FSTL5: variants seen among roughly 807,000 people sequenced by gnomAD.
FSTL5 encodes follistatin-related protein 5.
FSTL5 carries 62 observed loss-of-function variants against 89.1 expected under a neutral mutation model. The observed-to-expected ratio is 0.70, with a 90% CI of 0.57 to 0.86. The LOEUF (loss-of-function observed/expected upper bound fraction) is 0.86. Among genes scored for constraint, FSTL5 ranks in the 40% least tolerant of loss-of-function variants. The pLI, the probability that FSTL5 is intolerant of heterozygous loss-of-function variation, is 0.00. For synonymous variants in FSTL5, 383 were observed against 346.2 expected, an observed-to-expected ratio of 1.11 and a Z score of -1.18; for missense variants, 1,057 against 1,001.6, an observed-to-expected ratio of 1.06 and a Z score of -0.75.
intron 6 of FSTL5, among the ~76,000 whole-genome samples, chr4:161,725,090 G>A (rs988431814): frequency 4.4e-4 from 67 of 152,242 alleles, no homozygotes; most frequent in African/African-American, 1.6e-3. Flanking sequence ...CAGCTACTCA[G>A]GAGGCTGAGG....
intron 7 of FSTL5, among the ~76,000 whole-genome samples, chr4:161,642,000 TAA>T (rs1735983963): frequency 1.3e-5 from 2 of 151,986 alleles, no homozygotes; most frequent in African/African-American, 4.8e-5. Context: ...ATGAAAGAAA[TAA>T]AGTTTCTCCT....
intron 10 of FSTL5, among the ~76,000 whole-genome samples, chr4:161,527,708 T>C (rs1221205516): frequency 7.9e-5 from 12 of 151,694 alleles, no homozygotes; most frequent in Non-Finnish European, 2.9e-5. Context: ...GACTGTAAAC[T>C]AGTTCAACCA....
At chr4:161,713,043 A>C (rs1417140754) in intron 6 of FSTL5, among the ~76,000 whole-genome samples, 5 of 152,130 alleles carry the variant, frequency 3.3e-5, no homozygotes, top group African/African-American at 1.2e-4. Context: ...TAGCAACACA[A>C]ACAGACTAAC....
intron 11 of FSTL5, among the ~76,000 whole-genome samples, chr4:161,506,442 G>A (rs28488327): frequency 0.017 from 2,580 of 151,762 alleles, 67 homozygotes; most frequent in African/African-American, 0.058. Context: ...GTTTATTTCC[G>A]TAAGTTTTTT....
chr4:161,918,827 G>C (rs1390771313), intron 4 of FSTL5, among the ~76,000 whole-genome samples: 1 of 151,820 alleles, frequency 6.6e-6, no homozygotes, highest in African/African-American at 2.4e-5. Flanking sequence ...TATTTTTGTA[G>C]AGATGGGGTT....
At chr4:161,506,166 C>A (rs765183956) in intron 11 of FSTL5, among the ~76,000 whole-genome samples, 180 of 51,436 alleles carry the variant, frequency 3.5e-3, no homozygotes, top group Non-Finnish European at 0.011. Flanking sequence ...AGCTCCAGAG[C>A]TCAGGGATCC....
chr4:161,697,959 A>ATG lies in FSTL5; in HGVS notation c.728-41467_728-41466dup, dbSNP rs919376075. On this transcript the variant is annotated intron_variant, in intron 6 of 15. Transcript: ENST00000306100. Reference sequence around the variant, plus strand: ...GGAAGGTGTGTGTGTGTGTGTGTGTATGTGTGTGTGTGTGTTATGGAGTCA... The same window carrying ATG: ...GGAAGGTGTGTGTGTGTGTGTGTGTATGTGTGTGTGTGTGTGTTATGGAGTCA... 1.9e-4 allele frequency among the ~76,000 whole-genome samples: 22 copies of ATG among 117,572 alleles called. 1 individual carries two copies. Among genetic ancestry groups the ATG allele is most frequent in the East Asian group, 1.8e-3 (5 of 2,838 alleles). The allele number at this position is 117,572 out of a possible 152,430, so 77.1% of individuals were successfully genotyped here.
chr4:161,784,902 AAAAAC>A (rs1741837229), intron 4 of FSTL5, among the ~76,000 whole-genome samples: 3 of 146,054 alleles, frequency 2.1e-5, no homozygotes, highest in South Asian at 2.2e-4. Flanking sequence ...CAAAAAAAAC[AAAAAC>A]AAACAAACAA....
intron 3 of FSTL5, among the ~76,000 whole-genome samples, chr4:162,022,554 G>A (rs1731988228): frequency 6.6e-6 from 1 of 151,942 alleles, no homozygotes; most frequent in Admixed American, 6.6e-5. Context: ...TACCTTCTAG[G>A]GTAAACCATA....
intron 15 of FSTL5, among the ~76,000 whole-genome samples, chr4:161,418,817 T>A (rs1480336113): frequency 1.3e-5 from 2 of 152,160 alleles, no homozygotes; most frequent in Non-Finnish European, 2.9e-5. Context: ...ACAAAACCCA[T>A]CCAAATGTTG....
Position 161,481,910 on chromosome 4 carries a change from C to T in FSTL5, c.1459-741G>A, listed in dbSNP as rs373644669. On this transcript the variant is annotated intron_variant, in intron 12 of 15. Coordinates refer to ENST00000306100, the MANE Select transcript of FSTL5 (RefSeq NM_020116.5). The stretch of plus-strand genomic sequence containing the variant: ...AGATATGCAAGCCCTTGTGATTTAT[C>T]CTGGGAGTCACAGCATAAGTAAAAG... Among the ~76,000 whole-genome samples, 7 of 152,252 alleles carry T rather than the reference C, an allele frequency of 4.6e-5. No homozygotes were observed. The East Asian group carries it at 1.4e-3, about 29-fold the overall frequency.
intron 6 of FSTL5, among the ~76,000 whole-genome samples, chr4:161,681,635 A>G (rs1038064406): frequency 6.6e-6 from 1 of 152,132 alleles, no homozygotes; most frequent in Non-Finnish European, 1.5e-5. Context: ...TGTAAGGAAT[A>G]TATATAGTTT....
At chr4:161,754,458 AC>A (rs1740505751) in intron 6 of FSTL5, among the ~76,000 whole-genome samples, 3 of 152,162 alleles carry the variant, frequency 2.0e-5, no homozygotes, top group Non-Finnish European at 2.9e-5. Context: ...TATCACATTT[AC>A]CAGAACGTCT....
chr4:162,135,761 T>C (rs1299463125), intron 1 of FSTL5, among the ~76,000 whole-genome samples: 2 of 152,148 alleles, frequency 1.3e-5, no homozygotes, highest in African/African-American at 4.8e-5. Context: ...ATAAAATGGC[T>C]TTCTAGATAT....
intron 6 of FSTL5, among the ~76,000 whole-genome samples, chr4:161,732,864 T>C (rs1452648702): frequency 6.6e-6 from 1 of 151,936 alleles, no homozygotes; most frequent in Non-Finnish European, 1.5e-5. Context: ...TCTATCATCA[T>C]GTACATACCA....
At chr4:161,549,213 T>C (rs67176055) in intron 8 of FSTL5, among the ~76,000 whole-genome samples, 32,345 of 151,618 alleles carry the variant, frequency 0.21, 3,626 homozygotes, top group Non-Finnish European at 0.24. Flanking sequence ...AGTGCTGTGA[T>C]GTTGAGTTCA....
At chr4:161,891,263 G>T (rs1270758912) in intron 4 of FSTL5, among the ~76,000 whole-genome samples, 1 of 151,880 alleles carries the variant, frequency 6.6e-6, no homozygotes, top group Non-Finnish European at 1.5e-5. Flanking sequence ...GAGGAAATTT[G>T]CTCCTTATTT....
At chr4:162,060,146 A>T (rs1284526851) in intron 2 of FSTL5, among the ~76,000 whole-genome samples, 2 of 152,156 alleles carry the variant, frequency 1.3e-5, no homozygotes, top group Non-Finnish European at 2.9e-5. Flanking sequence ...GGATTAAATT[A>T]GTTCCCTATT....
chr4:161,586,494 G>A (rs1733622972), intron 8 of FSTL5, among the ~76,000 whole-genome samples: 1 of 152,038 alleles, frequency 6.6e-6, no homozygotes, highest in South Asian at 2.1e-4. Context: ...CAGTGATACT[G>A]ACAGAAGTAC....
Sources: allele counts gnomAD v4.1 joint callset (sites outside exome capture counted in the v4.1 genomes callset), GRCh38; gene constraint gnomAD v4.1.1; transcripts MANE v1.5; gene names NCBI Gene and HGNC (gene_info 2026-07-23, HGNC 2026-07-21).